Variants in FRMPD4 observed in about 807,000 individuals in gnomAD.
FRMPD4 encodes FERM and PDZ domain-containing protein 4.
Under a neutral mutation model 94.1 loss-of-function variants are expected in FRMPD4, and 22 were observed. The ratio of observed to expected loss-of-function variants is 0.23; its 90% CI spans 0.17 to 0.33. FRMPD4 has a LOEUF of 0.33. Among genes scored for constraint, FRMPD4 ranks in the 10% least tolerant of loss-of-function variants. FRMPD4 has a pLI of 1.00. For missense variants in FRMPD4, 1,111 were observed against 1,339.9 expected, an observed-to-expected ratio of 0.83 and a Z score of 2.67; for synonymous variants, 631 against 548.6, an observed-to-expected ratio of 1.15 and a Z score of -2.10.
intron 1 of FRMPD4, among the ~76,000 whole-genome samples, chrX:12,425,930 C>T (rs922460631): frequency 5.4e-5 from 6 of 111,572 alleles, no homozygotes; most frequent in Non-Finnish European, 1.1e-4. Flanking sequence ...AAATACTCTT[C>T]GGCAATGCAG....
chrX:12,144,387 A>T (rs1336828710), intron 1 of FRMPD4, among the ~76,000 whole-genome samples: 1 of 111,487 alleles, frequency 9.0e-6, no homozygotes, highest in Non-Finnish European at 1.9e-5. Flanking sequence ...AGCTCTGAAA[A>T]TTATCTTGAA....
intron 1 of FRMPD4, among the ~76,000 whole-genome samples, chrX:12,406,922 G>C (rs1337155275): frequency 8.9e-6 from 1 of 112,034 alleles, no homozygotes; most frequent in African/African-American, 3.2e-5. Flanking sequence ...TGGGCTAAAA[G>C]CAAGGTGTCA....
At chrX:12,015,608 C>T (rs889796419) in intron 3 of FRMPD4, among the ~76,000 whole-genome samples, 8 of 112,410 alleles carry the variant, frequency 7.1e-5, no homozygotes, top group African/African-American at 2.6e-4. Flanking sequence ...GTAAAATCTA[C>T]ATTTCCTAGT....
At chrX:12,123,123 CTTT>C (rs58251577) in intron 3 of FRMPD4, among the ~76,000 whole-genome samples, 13,749 of 84,191 alleles carry the variant, frequency 0.16, 883 homozygotes, top group South Asian at 0.33. Context: ...ATTTTCTTTT[CTTT>C]TTTTTTTTTT....
In FRMPD4 at chrX:12,231,691, C is replaced by T. The variant is rs191825957; in HGVS notation, c.41+92679C>T. On this transcript the variant is annotated intron_variant, in intron 1 of 16. Coordinates refer to ENST00000675598, the MANE Select transcript of FRMPD4 (RefSeq NM_001368397.1). ...AGAAGGGGGCATGGAGGGAATACTGCGATTCTGTGTGTTATTGAAGCCTCC... is the reference window on the plus strand; with the variant it reads ...AGAAGGGGGCATGGAGGGAATACTGTGATTCTGTGTGTTATTGAAGCCTCC... 9.9e-5 allele frequency among the ~76,000 whole-genome samples: 11 copies of T among 111,593 alleles called. No individual in the cohort carries two copies. In the East Asian group the frequency reaches 2.0e-3, roughly 20 times the overall value.
At chrX:12,479,845 T>C (rs1251341603) in intron 1 of FRMPD4, among the ~76,000 whole-genome samples, 1 of 109,958 alleles carries the variant, frequency 9.1e-6, no homozygotes. Context: ...AACTTTACCC[T>C]CTGGGGTGGT....
At chrX:12,114,133 C>T (rs187569068) in intron 3 of FRMPD4, among the ~76,000 whole-genome samples, 1 of 111,480 alleles carries the variant, frequency 9.0e-6, no homozygotes, top group Non-Finnish European at 1.9e-5. Flanking sequence ...CTTTAAAATA[C>T]CTTGCTTCCT....
intron 1 of FRMPD4, among the ~76,000 whole-genome samples, chrX:12,235,576 A>G (rs746599639): frequency 4.4e-4 from 50 of 112,576 alleles, no homozygotes; most frequent in African/African-American, 1.4e-3. Flanking sequence ...TGTAATCAGT[A>G]CTATTAAGCT....
chrX:12,464,972 T>C (rs1314911803), intron 1 of FRMPD4, among the ~76,000 whole-genome samples: 1 of 112,136 alleles, frequency 8.9e-6, no homozygotes, highest in Non-Finnish European at 1.9e-5. Context: ...GCCCCCTCCA[T>C]TACAATTACC....
intron 2 of FRMPD4, among the ~76,000 whole-genome samples, chrX:12,532,322 A>G (rs1271896609): frequency 8.9e-6 from 1 of 111,876 alleles, no homozygotes; most frequent in Admixed American, 9.5e-5. Flanking sequence ...TATCTTCATT[A>G]TATGTTTAAA....
chrX:12,425,918 G>A (rs2056940355), intron 1 of FRMPD4, among the ~76,000 whole-genome samples: 2 of 111,856 alleles, frequency 1.8e-5, no homozygotes, highest in South Asian at 7.6e-4. Context: ...AATTGTGTAT[G>A]TAAATACTCT....
intron 1 of FRMPD4, among the ~76,000 whole-genome samples, chrX:12,407,169 T>G: frequency 8.9e-6 from 1 of 111,767 alleles, no homozygotes; most frequent in East Asian, 2.8e-4. Flanking sequence ...ATCTCAAGAT[T>G]CTTAGTTACA....
At chrX:11,990,439 T>C (rs1311572180) in intron 3 of FRMPD4, among the ~76,000 whole-genome samples, 6 of 112,101 alleles carry the variant, frequency 5.4e-5, no homozygotes, top group African/African-American at 1.9e-4. Context: ...TACTTTAAAA[T>C]GGCTAATTTT....
intron 3 of FRMPD4, among the ~76,000 whole-genome samples, chrX:12,062,275 G>A (rs1400792463): frequency 1.8e-5 from 2 of 111,235 alleles, no homozygotes; most frequent in Admixed American, 9.6e-5. Context: ...AATCCATTTC[G>A]CTGTTTTGTA....
intron 1 of FRMPD4, among the ~76,000 whole-genome samples, chrX:12,227,451 G>T (rs1230901321): frequency 9.0e-6 from 1 of 111,554 alleles, no homozygotes; most frequent in Non-Finnish European, 1.9e-5. Flanking sequence ...ATAAAAAACG[G>T]TGGGCCTCTA....
chrX:12,539,942 C>T (rs1285983470), intron 2 of FRMPD4, among the ~76,000 whole-genome samples: 2 of 112,052 alleles, frequency 1.8e-5, no homozygotes, highest in African/African-American at 3.2e-5. Context: ...CTTCAACATT[C>T]TTAAAGAAAA....
At chrX:12,085,060 A>G (rs1237426825) in intron 3 of FRMPD4, among the ~76,000 whole-genome samples, 1 of 111,957 alleles carries the variant, frequency 8.9e-6, no homozygotes, top group Non-Finnish European at 1.9e-5. Context: ...AAGAAATCAC[A>G]AGATAGATAC....
intron 2 of FRMPD4, among the ~76,000 whole-genome samples, chrX:12,536,354 G>GA (rs11308998): frequency 4.6e-4 from 47 of 102,452 alleles, no homozygotes; most frequent in African/African-American, 1.4e-3. Flanking sequence ...CTGTTATAAG[G>GA]AAAAAAAAAA....
At chrX:11,941,188 T>G (rs1171507159) in intron 3 of FRMPD4, among the ~76,000 whole-genome samples, 2 of 57,308 alleles carry the variant, frequency 3.5e-5, no homozygotes, top group Non-Finnish European at 7.3e-5. Context: ...GCCCACTGTC[T>G]GGCACTCCCT....
Sources: allele counts gnomAD v4.1 joint callset (sites outside exome capture counted in the v4.1 genomes callset), GRCh38; gene constraint gnomAD v4.1.1; transcripts MANE v1.5; gene names NCBI Gene and HGNC (gene_info 2026-07-23, HGNC 2026-07-21).